The following LINGO2 variants were observed in gnomAD, a reference collection of about 807,000 sequenced individuals.
LINGO2 encodes leucine rich repeat and Ig domain containing 2, also known as leucine-rich repeat and immunoglobulin-like domain-containing nogo receptor-interacting protein 2.
In LINGO2, 14 loss-of-function variants were observed where a neutral mutation model predicts 30.6. That is an observed-to-expected ratio of 0.46 (90% CI 0.30 to 0.72). LINGO2 has a LOEUF of 0.72. Ranked by LOEUF, LINGO2 falls within the 30% of genes least tolerant of loss-of-function variation. The pLI, the probability that LINGO2 is intolerant of heterozygous loss-of-function variation, is 0.07. For synonymous variants in LINGO2, 317 were observed against 288.5 expected, an observed-to-expected ratio of 1.10 and a Z score of -1.00; for missense variants, 729 against 751.7, an observed-to-expected ratio of 0.97 and a Z score of 0.35.
At chr9:28,026,364 G>T (rs534333466) in intron 4 of LINGO2, among the ~76,000 whole-genome samples, 1 of 152,218 alleles carries the variant, frequency 6.6e-6, no homozygotes, top group Non-Finnish European at 1.5e-5. Context: ...TAGTGCAGTG[G>T]TTCTCAAACA....
At chr9:28,596,662 C>A (rs1055833893) in intron 1 of LINGO2, among the ~76,000 whole-genome samples, 1 of 152,120 alleles carries the variant, frequency 6.6e-6, no homozygotes, top group Non-Finnish European at 1.5e-5. Context: ...AAAGTCATTG[C>A]AAATATTTTA....
intron 5 of LINGO2, among the ~76,000 whole-genome samples, chr9:27,996,531 G>A (rs1007305844): frequency 1.3e-5 from 2 of 152,132 alleles, no homozygotes; most frequent in African/African-American, 4.8e-5. Context: ...GCCAGGCACA[G>A]AAAAACAAAT....
At chr9:29,060,990 C>T in the LINGO2 span, among the ~76,000 whole-genome samples, 1 of 151,786 alleles carries the variant, frequency 6.6e-6, no homozygotes, top group Non-Finnish European at 1.5e-5. Flanking sequence ...TGGCTGAAAA[C>T]TACCCACATT....
intron 1 of LINGO2, 112 bp downstream of exon 3, chr9:28,670,088 T>G (rs2136041311): frequency 6.6e-6 from 1 of 152,154 alleles, no homozygotes; most frequent in Non-Finnish European, 1.5e-5. Flanking sequence ...TAATTAAATA[T>G]ATGATTAAAT....
the LINGO2 span, among the ~76,000 whole-genome samples, chr9:28,950,093 C>T: frequency 1.3e-5 from 2 of 152,196 alleles, no homozygotes; most frequent in African/African-American, 4.8e-5. Flanking sequence ...GTTCAATATA[C>T]ATAAATCAAT....
chr9:28,305,617 A>G (rs1824316729), intron 3 of LINGO2, among the ~76,000 whole-genome samples: 1 of 152,058 alleles, frequency 6.6e-6, no homozygotes. Context: ...TCCCAATAAT[A>G]TAAAATTAAA....
At chr9:29,104,141 C>A in the LINGO2 span, among the ~76,000 whole-genome samples, 1 of 152,076 alleles carries the variant, frequency 6.6e-6, no homozygotes. Flanking sequence ...AATTGTGACA[C>A]CTGAAATAAC....
chr9:27,986,214 C>G lies in LINGO2; in HGVS notation c.-36+26141G>C, dbSNP rs534206532. ...AAAGAGACAGAAGATGGTCCATTATCCCATGTTACATTTTCCAGTGACCAC... is the reference window on the plus strand; with the variant it reads ...AAAGAGACAGAAGATGGTCCATTATGCCATGTTACATTTTCCAGTGACCAC... On this transcript the variant is annotated intron_variant, in intron 5 of 5. Transcript: ENST00000379992. 2.6e-5 allele frequency among the ~76,000 whole-genome samples: 4 copies of G among 151,432 alleles called. No homozygotes were observed. In the South Asian group the frequency reaches 8.4e-4, roughly 32 times the overall value.
In LINGO2 at chr9:28,170,283, T is replaced by A. The variant is rs536550576; in HGVS notation, c.-87+124925A>T. Among the ~76,000 whole-genome samples, 79 of 152,198 alleles carry A rather than the reference T, an allele frequency of 5.2e-4. 2 individuals are homozygous for A. The highest frequency in any genetic ancestry group is 8.8e-5 in the Non-Finnish European group (6 of 68,046). On this transcript the variant is annotated intron_variant, in intron 4 of 5. Transcript: ENST00000379992. ...ATTGTTCCAAGTAGCCTTATGTAAATATATTACTTAAATTAATACAAAAAG... is the reference window on the plus strand; with the variant it reads ...ATTGTTCCAAGTAGCCTTATGTAAAAATATTACTTAAATTAATACAAAAAG...
chr9:28,533,235 T>C (rs975721643), intron 1 of LINGO2, among the ~76,000 whole-genome samples: 4 of 152,170 alleles, frequency 2.6e-5, no homozygotes, highest in African/African-American at 9.6e-5. Context: ...GATCTTCAGC[T>C]TTTGGCTTCT....
At chr9:28,175,916 G>C (rs1038122598) in intron 4 of LINGO2, among the ~76,000 whole-genome samples, 1 of 152,114 alleles carries the variant, frequency 6.6e-6, no homozygotes, top group Non-Finnish European at 1.5e-5. Context: ...TTATTCTGAT[G>C]GTGGAGGTCA....
chr9:28,854,016 C>T, the LINGO2 span, among the ~76,000 whole-genome samples: 1 of 151,918 alleles, frequency 6.6e-6, no homozygotes, highest in African/African-American at 2.4e-5. Context: ...TAATTGCTGT[C>T]AATTAAAATT....
intron 1 of LINGO2, among the ~76,000 whole-genome samples, chr9:28,638,847 C>A (rs1827423394): frequency 6.6e-6 from 1 of 152,038 alleles, no homozygotes; most frequent in African/African-American, 2.4e-5. Context: ...TTAGTTATTT[C>A]TTGCCTTCTG....
chr9:28,000,085 A>G (rs1821871596), intron 5 of LINGO2, among the ~76,000 whole-genome samples: 1 of 152,208 alleles, frequency 6.6e-6, no homozygotes, highest in Non-Finnish European at 1.5e-5. Flanking sequence ...TTAGATACTT[A>G]ACAGGATAAA....
rs199777367 is a variant in LINGO2 at position 28,656,252 on chromosome 9, T to TA, written c.-365+13947dup. ...TGTTCTAAAGCAAGTGGGTTAAAGT[T>TA]AAAAAAAAATAGCATATTTACATAG... is the stretch of plus-strand genomic sequence containing the variant. On this transcript the variant is annotated intron_variant, in intron 1 of 5. Coordinates refer to ENST00000379992, the Ensembl canonical transcript of LINGO2. 5.1e-3 allele frequency among the ~76,000 whole-genome samples: 771 copies of TA among 150,804 alleles called. 7 individuals are homozygous for TA. The highest frequency in any genetic ancestry group is 0.013 in the African/African-American group (539 of 41,208).
chr9:29,166,128 G>C, the LINGO2 span, among the ~76,000 whole-genome samples: 1 of 151,882 alleles, frequency 6.6e-6, no homozygotes, highest in African/African-American at 2.4e-5. Context: ...AAATTTTAAG[G>C]GTAACACGAA....
Position 28,122,362 on chromosome 9 carries a change from TAGA to T in LINGO2, c.-86-109960_-86-109958del, listed in dbSNP as rs577972240. Among the ~76,000 whole-genome samples, 403 of 152,288 alleles carry T rather than the reference TAGA, an allele frequency of 2.6e-3. 3 individuals are homozygous for T. Among genetic ancestry groups the T allele is most frequent in the African/African-American group, 9.4e-3 (390 of 41,556 alleles). On this transcript the variant is annotated intron_variant, in intron 4 of 5. Coordinates refer to ENST00000379992, the Ensembl canonical transcript of LINGO2. The stretch of plus-strand genomic sequence containing the variant: ...GGGCTATGTATATAAACACACGGAT[TAGA>T]AGAAGGAAAATAACAAGTGCTTAGG...
At chr9:28,697,723 TTGCTA>T in the LINGO2 span, among the ~76,000 whole-genome samples, 1 of 152,030 alleles carries the variant, frequency 6.6e-6, no homozygotes, top group Non-Finnish European at 1.5e-5. Context: ...GTTGTAACTC[TTGCTA>T]TGCTTTTTGT....
chr9:28,761,297 G>T, the LINGO2 span, among the ~76,000 whole-genome samples: 10 of 151,868 alleles, frequency 6.6e-5, no homozygotes, highest in Non-Finnish European at 1.3e-4. Flanking sequence ...TATAGCATCA[G>T]TCCAGTGACC....
Sources: gnomAD v4.1 joint callset for allele counts (sites outside exome capture counted in the v4.1 genomes callset) on GRCh38, gnomAD v4.1.1 for gene constraint, MANE v1.5 for transcripts, NCBI Gene and HGNC (gene_info 2026-07-23, HGNC 2026-07-21) for gene names.